Variants in CAMK2B observed in about 807,000 individuals in gnomAD.
CAMK2B encodes calcium/calmodulin-dependent protein kinase type II subunit beta.
CAMK2B carries 27 observed loss-of-function variants against 93.7 expected under a neutral mutation model. That is an observed-to-expected ratio of 0.29 (90% CI 0.21 to 0.40). The LOEUF (loss-of-function observed/expected upper bound fraction) is 0.40, where lower values mean the gene tolerates loss of function less well. CAMK2B is among the 10% of genes least tolerant of loss of function. The probability of loss-of-function intolerance (pLI) is 1.00; values close to 1 mark genes in which losing one functional copy is unlikely to be tolerated. For synonymous variants in CAMK2B, 374 were observed against 358.8 expected, an observed-to-expected ratio of 1.04 and a Z score of -0.48; for missense variants, 568 against 895.8, an observed-to-expected ratio of 0.63 and a Z score of 4.67.
intron 17 of CAMK2B, among the ~76,000 whole-genome samples, 183 bp downstream of exon 17, chr7:44,230,823 G>A (rs914171521): frequency 4.6e-5 from 7 of 152,094 alleles, no homozygotes; most frequent in Non-Finnish European, 7.4e-5. Flanking sequence ...ATGCTTCTCC[G>A]CTCTGGGCAG....
At chr7:44,270,081 C>T (rs1014765871) in intron 2 of CAMK2B, among the ~76,000 whole-genome samples, 1 of 151,936 alleles carries the variant, frequency 6.6e-6, no homozygotes, top group Non-Finnish European at 1.5e-5. Context: ...CGTACCCCCC[C>T]CCCATTCCAG....
chr7:44,227,746 G>C lies in CAMK2B; in HGVS notation c.1468+1050C>G, dbSNP rs184192225. On this transcript the variant is annotated intron_variant, in intron 19 of 23. Coordinates refer to ENST00000395749, the MANE Select transcript of CAMK2B (RefSeq NM_001220.5). ...GGGACAGAGGGGTATATGGGGGACA[G>C]AGGAGGGTGTGGGGGACAGAGGGAG... Among the ~76,000 whole-genome samples, 23 of 10,264 alleles carry C rather than the reference G, an allele frequency of 2.2e-3. 1 individual carries two copies. Among genetic ancestry groups the C allele is most frequent in the Middle Eastern group, 0.071 (1 of 14 alleles). The allele number at this position is 10,264 out of a possible 152,430, so 6.7% of individuals were successfully genotyped here.
At chr7:44,300,384 A>C in intron 1 of CAMK2B, among the ~76,000 whole-genome samples, 1 of 150,674 alleles carries the variant, frequency 6.6e-6, no homozygotes, top group African/African-American at 2.4e-5. Context: ...CTGGTCTTGA[A>C]CTCCTAGGCT....
chr7:44,262,911 G>C (rs1166117266), intron 3 of CAMK2B, 94 bp downstream of exon 3: 1 of 1,071,894 alleles, frequency 9.3e-7, no homozygotes, highest in Non-Finnish European at 1.4e-6. Context: ...AAGTCTTTCT[G>C]CATCTCTTTG....
Position 44,311,838 on chromosome 7 carries a change from G to A in CAMK2B, c.65+13519C>T, listed in dbSNP as rs943702277. 2.6e-5 allele frequency among the ~76,000 whole-genome samples: 4 copies of A among 152,044 alleles called. No homozygotes were observed. Among genetic ancestry groups the A allele is most frequent in the African/African-American group, 4.8e-5 (2 of 41,386 alleles). On this transcript the variant is annotated intron_variant, in intron 1 of 23. Coordinates refer to ENST00000395749, the MANE Select transcript of CAMK2B (RefSeq NM_001220.5). This position sits in a 1 kb window ranked among gnomAD's most constrained non-coding sequence, Gnocchi z 4.2. ...TGACTCTGCCCTACCCCCACTCTGG[G>A]CAGGGAAGGGTGACTGCGTGGCTGG...
At chr7:44,299,059 T>C (rs1214871021) in intron 1 of CAMK2B, among the ~76,000 whole-genome samples, 1 of 152,046 alleles carries the variant, frequency 6.6e-6, no homozygotes, top group Non-Finnish European at 1.5e-5. Flanking sequence ...CCAAAAAAAA[T>C]GTAAAGCAGG....
chr7:44,228,812 G>C lies in CAMK2B; in HGVS notation c.1452C>G (p.Gly484=). Residue 484 remains glycine, a synonymous_variant, in exon 19 of 24, where the codon GGC becomes GGG. Transcript: ENST00000395749. The part of the protein sequence containing the change: ...PPPCLSPALL[G]PLSSPSPRIS... ...ACTACTTACACGGGGAGGACAGGGG[G>C]CCTAGGAGAGCCGGAGACAGGCAGG... The C allele has an allele frequency of 6.6e-7, 1 of 1,520,732 alleles. No homozygotes were observed. The highest frequency in any genetic ancestry group is 8.8e-7 in the Non-Finnish European group (1 of 1,139,184). 94.2% of individuals were successfully genotyped at this position (1,520,732 alleles called of 1,614,324 possible).
chr7:44,265,463 A>G (rs540082160), intron 2 of CAMK2B, among the ~76,000 whole-genome samples: 1 of 152,388 alleles, frequency 6.6e-6, no homozygotes, highest in Admixed American at 6.5e-5. Context: ...AGGCTGAGGG[A>G]AAGGAGGACC....
rs377048361 is a variant in CAMK2B, at chr7:44,226,651, C to T, written c.1469-7G>A. 2.5e-5 allele frequency: 39 copies of T among 1,531,970 alleles called. No homozygotes were observed. Among genetic ancestry groups the T allele is most frequent in the East Asian group, 1.3e-4 (5 of 38,076 alleles). 94.9% of individuals were successfully genotyped at this position (1,531,970 alleles called of 1,614,324 possible). ...ATGTCAGAGATCCTGGGGGCTGGGG[C>T]GGAACAGACGAGACGTGAACACAAG... On this transcript the variant is annotated splice_polypyrimidine_tract_variant and splice_region_variant and intron_variant, in intron 19 of 23. Transcript: ENST00000395749.
chr7:44,303,551 T>A (rs1162615388), intron 1 of CAMK2B, among the ~76,000 whole-genome samples: 2 of 152,166 alleles, frequency 1.3e-5, no homozygotes, highest in Non-Finnish European at 2.9e-5. Flanking sequence ...GATATTCAGA[T>A]GAAAAAAATG....
intron 16 of CAMK2B, among the ~76,000 whole-genome samples, chr7:44,231,363 G>A (rs547281276): frequency 1.2e-3 from 188 of 152,302 alleles, no homozygotes; most frequent in African/African-American, 4.2e-3. Context: ...AGGCTGGCAC[G>A]GAGTCCGAGG....
At chr7:44,270,866 C>A (rs2096967986) in intron 2 of CAMK2B, among the ~76,000 whole-genome samples, 1 of 152,214 alleles carries the variant, frequency 6.6e-6, no homozygotes, top group Non-Finnish European at 1.5e-5. Flanking sequence ...GACCTGCACA[C>A]CTGTCTCAGC....
At position 44,304,969 on chromosome 7, in the gene CAMK2B, T is replaced by TAGAGAAGGACTTTTTAAAACCATAGGC. The variant is rs376934825; in HGVS notation, c.65+20361_65+20387dup. 6.0e-3 allele frequency among the ~76,000 whole-genome samples: 911 copies of TAGAGAAGGACTTTTTAAAACCATAGGC among 152,150 alleles called. 16 individuals carry two copies. Among genetic ancestry groups the TAGAGAAGGACTTTTTAAAACCATAGGC allele is most frequent in the African/African-American group, 0.021 (872 of 41,494 alleles). Reference sequence around the variant, plus strand: ...AAATTGTATCTTTAAAACACCAGGATAGAGAAGGACTTTTTAAAACCATAG... The same window carrying TAGAGAAGGACTTTTTAAAACCATAGGC: ...AAATTGTATCTTTAAAACACCAGGATAGAGAAGGACTTTTTAAAACCATAGGCAGAGAAGGACTTTTTAAAACCATAG... On this transcript the variant is annotated intron_variant, in intron 1 of 23. Transcript: ENST00000395749.
chr7:44,261,804 A>T (rs2129035681), intron 3 of CAMK2B, among the ~76,000 whole-genome samples: 1 of 152,350 alleles, frequency 6.6e-6, no homozygotes, highest in South Asian at 2.1e-4. Flanking sequence ...GTAAGCAAAT[A>T]ACACTGTGGG....
rs1458159527 is a variant in CAMK2B at position 44,263,083 on chromosome 7, A to G, written c.161-19T>C. On this transcript the variant is annotated intron_variant, in intron 2 of 23. Coordinates refer to ENST00000395749, the MANE Select transcript of CAMK2B (RefSeq NM_001220.5). ...TGGTGATCTGGGGGACAGGAAAAAC[A>G]AGGCGTCACCTCCTGCGCCAGCAAC... 3.1e-6 allele frequency: 5 copies of G among 1,612,536 alleles called. No homozygotes were observed. The highest frequency in any genetic ancestry group is 3.4e-6 in the Non-Finnish European group (4 of 1,179,126).
intron 19 of CAMK2B, among the ~76,000 whole-genome samples, chr7:44,227,734 A>G (rs1006549567): frequency 5.6e-4 from 2 of 3,548 alleles, no homozygotes; most frequent in Non-Finnish European, 8.4e-4. Context: ...ACAGAGGGGT[A>G]TATGGGGGAC....
intron 1 of CAMK2B, among the ~76,000 whole-genome samples, chr7:44,290,366 T>C (rs1283519137): frequency 6.6e-6 from 1 of 152,174 alleles, no homozygotes; most frequent in Non-Finnish European, 1.5e-5. Context: ...CCCGCTCAGG[T>C]CCTCCAGAGC....
intron 2 of CAMK2B, among the ~76,000 whole-genome samples, chr7:44,274,029 C>A (rs2097003995): frequency 6.6e-6 from 1 of 152,172 alleles, no homozygotes. Context: ...CAGGCCCTTT[C>A]CAGAATGCCC....
intron 1 of CAMK2B, among the ~76,000 whole-genome samples, chr7:44,287,631 C>T (rs1193435675): frequency 1.3e-5 from 2 of 152,202 alleles, no homozygotes; most frequent in Non-Finnish European, 2.9e-5. Context: ...GAAGCCAGCA[C>T]CATCACCATA....
Sources: allele counts gnomAD v4.1 joint callset (sites outside exome capture counted in the v4.1 genomes callset), GRCh38; gene constraint gnomAD v4.1.1; non-coding constraint Gnocchi (gnomAD v3.1); transcripts MANE v1.5; gene names NCBI Gene and HGNC (gene_info 2026-07-23, HGNC 2026-07-21).